Variants in COQ3 observed in about 807,000 individuals in gnomAD.
COQ3 encodes the protein coenzyme Q3, methyltransferase, also known as ubiquinone biosynthesis O-methyltransferase, mitochondrial.
COQ3 carries 29 observed loss-of-function variants against 33.1 expected under a neutral mutation model. The ratio of observed to expected loss-of-function variants is 0.88; its 90% CI spans 0.65 to 1.19. COQ3 has a LOEUF of 1.19. COQ3 is among the 50% of genes most tolerant of loss of function. The pLI is 0.00. For missense variants in COQ3, 437 were observed against 430.7 expected (o/e 1.01, Z -0.13); for synonymous variants, 173 against 157.8 (o/e 1.10, Z -0.72).
intron 1 of COQ3, among the ~76,000 whole-genome samples, chr6:99,387,070 C>T (rs1774672341): frequency 6.6e-6 from 1 of 152,080 alleles, no homozygotes. Context: ...AAGAATACAG[C>T]ACAACCAAGT....
intron 1 of COQ3, 67 bp downstream of exon 1, chr6:99,394,007 G>A: frequency 7.3e-7 from 1 of 1,363,238 alleles, no homozygotes; most frequent in Admixed American, 1.7e-5. Flanking sequence ...CCCACCCCCG[G>A]CGCATGCGCA....
intron 2 of COQ3, 142 bp from the exon 3 acceptor site, chr6:99,380,483 C>T (rs1038005094): frequency 1.2e-6 from 1 of 819,610 alleles, no homozygotes; most frequent in Admixed American, 3.0e-5. Flanking sequence ...TGCTTTAAAA[C>T]CAAGTTTTCT....
chr6:99,370,385 G>A (rs1582711671), intron 6 of COQ3, among the ~76,000 whole-genome samples: 1 of 97,130 alleles, frequency 1.0e-5, no homozygotes, highest in East Asian at 3.3e-4. Flanking sequence ...GTTTCACTCT[G>A]TTGCCCAGGC....
chr6:99,374,985 T>C (rs895886383), intron 5 of COQ3, among the ~76,000 whole-genome samples: 4 of 151,564 alleles, frequency 2.6e-5, no homozygotes, highest in African/African-American at 4.9e-5. Flanking sequence ...TCAATTTCTT[T>C]CTTTTTTTTT....
intron 1 of COQ3, among the ~76,000 whole-genome samples, chr6:99,391,246 AC>A: frequency 6.6e-6 from 1 of 150,794 alleles, no homozygotes; most frequent in Non-Finnish European, 1.5e-5. Flanking sequence ...CCACAGAAGC[AC>A]ACCACCATGC....
intron 1 of COQ3, among the ~76,000 whole-genome samples, chr6:99,386,940 C>T (rs1236081104): frequency 6.6e-6 from 1 of 152,148 alleles, no homozygotes; most frequent in African/African-American, 2.4e-5. Flanking sequence ...ATGAAGCCAA[C>T]ATTACTCTGA....
At chr6:99,377,862 T>C (rs144547984) in intron 3 of COQ3, among the ~76,000 whole-genome samples, 29 of 151,984 alleles carry the variant, frequency 1.9e-4, no homozygotes, top group Non-Finnish European at 2.6e-4. Flanking sequence ...GGTTATTTTA[T>C]AGAGCTTAGA....
Position 99,394,073 on chromosome 6 carries a change from C to A in COQ3, c.106+1G>T, listed in dbSNP as rs752710568. 2.5e-6 allele frequency: 4 copies of A among 1,612,788 alleles called. No individual in the cohort carries two copies. The Admixed American group carries it at 5.0e-5, about 20-fold the overall frequency. ...CGAAGGACCTCCGCACACACACTCACCCGCCGAGGAAATTAAGGGACGCGC... is the reference window on the plus strand; with the variant it reads ...CGAAGGACCTCCGCACACACACTCAACCGCCGAGGAAATTAAGGGACGCGC... On this transcript the variant is annotated splice_donor_variant, in intron 1 of 6. Transcript: ENST00000254759. LOFTEE classifies it high-confidence loss of function.
At chr6:99,390,237 C>A (rs1473257882) in intron 1 of COQ3, among the ~76,000 whole-genome samples, 3 of 152,174 alleles carry the variant, frequency 2.0e-5, no homozygotes, top group Non-Finnish European at 4.4e-5. Flanking sequence ...TCTGTAATTG[C>A]CACTAAATAG....
At chr6:99,388,891 G>GCACGCA (rs1410116461) in intron 1 of COQ3, among the ~76,000 whole-genome samples, 4 of 106,218 alleles carry the variant, frequency 3.8e-5, no homozygotes, top group African/African-American at 1.2e-4. Flanking sequence ...ATGTATACAC[G>GCACGCA]CACACACACA....
chr6:99,393,837 C>T (rs968728564), intron 1 of COQ3, among the ~76,000 whole-genome samples: 1 of 152,232 alleles, frequency 6.6e-6, no homozygotes, highest in African/African-American at 2.4e-5. Flanking sequence ...ACAAGAGACC[C>T]GCGGCCTGCG....
At chr6:99,380,143 C>A (rs1234916997) in intron 3 of COQ3, 46 bp downstream of exon 3, 3 of 1,553,436 alleles carry the variant, frequency 1.9e-6, no homozygotes, top group East Asian at 2.3e-5. Context: ...AATATGAATT[C>A]TTAAAAAGTT....
chr6:99,375,870 T>A, intron 5 of COQ3, 70 bp downstream of exon 5: 2 of 1,556,774 alleles, frequency 1.3e-6, no homozygotes, highest in Non-Finnish European at 1.8e-6. Flanking sequence ...TTATGGACCA[T>A]TTTATTGCTA....
rs368152167 is a variant in COQ3, at chr6:99,369,823, G to GA, written c.890-4dup. The GA allele has an allele frequency of 0.098, 102,629 of 1,047,214 alleles. 2 individuals carry two copies. The highest frequency in any genetic ancestry group is 0.14 in the South Asian group (7,653 of 55,534). The allele number at this position is 1,047,214 out of a possible 1,614,324, so 64.9% of individuals were successfully genotyped here. On this transcript the variant is annotated splice_polypyrimidine_tract_variant and splice_region_variant and intron_variant, in intron 6 of 6. Coordinates refer to ENST00000254759, the MANE Select transcript of COQ3 (RefSeq NM_017421.4). ...CACTGTTTGAACTGACAGACCATCT[G>GA]AAAAAAAAAAAAATCAGAAAGAGTA...
intron 1 of COQ3, among the ~76,000 whole-genome samples, chr6:99,392,208 C>T: frequency 6.6e-6 from 1 of 152,218 alleles, no homozygotes; most frequent in East Asian, 1.9e-4. Context: ...ATTTATTCAG[C>T]ACCTACCAGG....
chr6:99,381,123 A>G (rs1774461792), intron 2 of COQ3, among the ~76,000 whole-genome samples: 2 of 152,058 alleles, frequency 1.3e-5, no homozygotes, highest in African/African-American at 4.8e-5. Context: ...AGGTGCCTCC[A>G]TCTTCTCTGC....
At position 99,376,229 on chromosome 6, in the gene COQ3, CAT is replaced by C. The variant is rs754839033; in HGVS notation, c.487-49_487-48del. On this transcript the variant is annotated intron_variant, in intron 4 of 6. Transcript: ENST00000254759. ...TTACCCTCAGGAAGAAAATAGAGCA[CAT>C]GTTAGCAATAAAAAGCTTATCAAAA... 4.4e-6 allele frequency: 7 copies of C among 1,582,274 alleles called. No individual in the cohort carries two copies. The South Asian group carries it at 8.0e-5, about 18-fold the overall frequency.
At chr6:99,377,873 A>G (rs1774340586) in intron 3 of COQ3, among the ~76,000 whole-genome samples, 1 of 151,880 alleles carries the variant, frequency 6.6e-6, no homozygotes. Context: ...AGAGCTTAGA[A>G]AAAGCAGATG....
At chr6:99,380,453 T>C in intron 2 of COQ3, 112 bp from the exon 3 acceptor site, 1 of 1,127,626 alleles carries the variant, frequency 8.9e-7, no homozygotes, top group African/African-American at 1.6e-5. Context: ...ATTCTAAATC[T>C]GTATACTGCT....
Sources: gnomAD v4.1 joint callset for allele counts (sites outside exome capture counted in the v4.1 genomes callset) on GRCh38, gnomAD v4.1.1 for gene constraint, MANE v1.5 for transcripts, NCBI Gene and HGNC (gene_info 2026-07-23, HGNC 2026-07-21) for gene names.